Variants in CLDN20 observed in about 807,000 individuals in gnomAD.
CLDN20 encodes the protein claudin 20, also known as claudin-20.
For synonymous variants in CLDN20, 104 were observed against 103.6 expected (o/e 1.00, Z -0.03); for missense variants, 258 against 267.9 (o/e 0.96, Z 0.26).
Position 155,276,411 on chromosome 6 carries a change from T to C in CLDN20, c.*32T>C. ...GAGTAATGCATATGAAATGGAACTTTTGGGTGCCAAATGGGACTTTTAGAT... is the reference window on the plus strand; with the variant it reads ...GAGTAATGCATATGAAATGGAACTTCTGGGTGCCAAATGGGACTTTTAGAT... On this transcript the variant is annotated 3_prime_UTR_variant, in exon 2 of 2. Coordinates refer to ENST00000367165, the MANE Select transcript of CLDN20 (RefSeq NM_001001346.3). 6.4e-7 allele frequency: 1 copy of C among 1,569,732 alleles called. No individual in the cohort carries two copies. Among genetic ancestry groups the C allele is most frequent in the Non-Finnish European group, 8.7e-7 (1 of 1,154,596 alleles).
intron 1 of CLDN20, among the ~76,000 whole-genome samples, chr6:155,264,880 GAGTC>G (rs1229824713): frequency 3.3e-5 from 5 of 152,152 alleles, no homozygotes; most frequent in Admixed American, 1.3e-4. Context: ...ACAACAAGAT[GAGTC>G]AGTGTCTCTT....
intron 1 of CLDN20, among the ~76,000 whole-genome samples, chr6:155,274,397 C>T (rs901269540): frequency 3.3e-5 from 5 of 152,176 alleles, no homozygotes; most frequent in Admixed American, 3.3e-4. Flanking sequence ...AGTAGGTGGT[C>T]TTTTCCTTCC....
chr6:155,274,919 T>A (rs1785098321), intron 1 of CLDN20, among the ~76,000 whole-genome samples: 1 of 152,220 alleles, frequency 6.6e-6, no homozygotes. Flanking sequence ...GTATTTTCAT[T>A]AAAAATAAAA....
At position 155,276,213 on chromosome 6, in the gene CLDN20, A is replaced by G. The variant is rs752783633; in HGVS notation, c.494A>G (p.Tyr165Cys). ...AAACATGAACCTGGAGGAGCTATCT[A>G]TATCGGATTCATTTCTGCAATGCTG... Reference protein sequence around the residue: ...SNKHEPGGAIYIGFISAMLLF... With the variant: ...SNKHEPGGAICIGFISAMLLF... The change falls in exon 2 of 2, where the codon TAT (tyrosine) becomes TGT (cysteine). Residue 165 changes from tyrosine to cysteine, a missense_variant. By Grantham distance (194) the Tyr-to-Cys change is radical. Coordinates refer to ENST00000367165, the MANE Select transcript of CLDN20 (RefSeq NM_001001346.3). 6.2e-7 allele frequency: 1 copy of G among 1,614,116 alleles called. No homozygotes were observed. Among genetic ancestry groups the G allele is most frequent in the South Asian group, 1.1e-5 (1 of 91,082 alleles).
chr6:155,268,820 G>A (rs150024706), intron 1 of CLDN20, among the ~76,000 whole-genome samples: 2 of 150,188 alleles, frequency 1.3e-5, no homozygotes, highest in African/African-American at 2.5e-5. Context: ...GCGGAAGGCC[G>A]CAGGGTCCTC....
Position 155,276,425 on chromosome 6 carries a change from G to A in CLDN20, c.*46G>A, listed in dbSNP as rs898772969. ...AAATGGAACTTTTGGGTGCCAAATGGGACTTTTAGATTAAAAAAAAATCAG... is the reference window on the plus strand; with the variant it reads ...AAATGGAACTTTTGGGTGCCAAATGAGACTTTTAGATTAAAAAAAAATCAG... On this transcript the variant is annotated 3_prime_UTR_variant, in exon 2 of 2. Transcript: ENST00000367165. The A allele has an allele frequency of 4.0e-5, 61 of 1,514,764 alleles. No homozygotes were observed. Among genetic ancestry groups the A allele is most frequent in the Non-Finnish European group, 4.8e-5 (54 of 1,118,068 alleles). The allele number at this position is 1,514,764 out of a possible 1,614,324, so 93.8% of individuals were successfully genotyped here.
intron 1 of CLDN20, among the ~76,000 whole-genome samples, chr6:155,271,012 C>A (rs1784891777): frequency 6.6e-6 from 1 of 152,116 alleles, no homozygotes; most frequent in African/African-American, 2.4e-5. Context: ...AAAGCAAACC[C>A]ACAGATGTTA....
intron 1 of CLDN20, among the ~76,000 whole-genome samples, chr6:155,274,263 C>T (rs1166945271): frequency 1.3e-5 from 2 of 152,180 alleles, no homozygotes; most frequent in African/African-American, 4.8e-5. Context: ...TGCAGTATTT[C>T]AGAAACCATT....
intron 1 of CLDN20, among the ~76,000 whole-genome samples, chr6:155,266,400 C>G (rs981860160): frequency 1.3e-5 from 2 of 152,114 alleles, no homozygotes; most frequent in Non-Finnish European, 2.9e-5. Context: ...AAGTATCACA[C>G]AGTCAACTCA....
At chr6:155,265,670 G>A (rs1235195995) in intron 1 of CLDN20, among the ~76,000 whole-genome samples, 3 of 141,586 alleles carry the variant, frequency 2.1e-5, no homozygotes, top group Non-Finnish European at 4.6e-5. Context: ...CAGAACTAAT[G>A]GAATATATAT....
intron 1 of CLDN20, among the ~76,000 whole-genome samples, chr6:155,266,088 A>C (rs1300658078): frequency 6.6e-6 from 1 of 152,002 alleles, no homozygotes; most frequent in Non-Finnish European, 1.5e-5. Flanking sequence ...CACTGACTCA[A>C]ATGTTAATCT....
intron 1 of CLDN20, among the ~76,000 whole-genome samples, chr6:155,268,420 G>C (rs909445115): frequency 6.6e-6 from 1 of 152,154 alleles, no homozygotes; most frequent in East Asian, 1.9e-4. Context: ...CTGTTACTGT[G>C]ATCCAGTGAT....
chr6:155,271,734 CATTAT>C (rs1462387273), intron 1 of CLDN20, among the ~76,000 whole-genome samples: 1 of 152,098 alleles, frequency 6.6e-6, no homozygotes, highest in East Asian at 1.9e-4. Context: ...TAAAATAATA[CATTAT>C]ATCTTTCAAC....
chr6:155,273,677 A>C (rs1274374098), intron 1 of CLDN20, among the ~76,000 whole-genome samples: 2 of 152,048 alleles, frequency 1.3e-5, no homozygotes, highest in Non-Finnish European at 2.9e-5. Context: ...TTTCAGCAGG[A>C]AGTGTTGTGG....
intron 1 of CLDN20, among the ~76,000 whole-genome samples, chr6:155,270,011 C>T (rs1784849770): frequency 6.6e-6 from 1 of 152,178 alleles, no homozygotes; most frequent in Non-Finnish European, 1.5e-5. Context: ...TCTTGCGCTA[C>T]AGTGGAAGCA....
At position 155,275,944 on chromosome 6, in the gene CLDN20, C is replaced by T; in HGVS notation, c.225C>T (p.Ile75=). The T allele has an allele frequency of 6.2e-7, 1 of 1,614,180 alleles. No individual in the cohort carries two copies. Among genetic ancestry groups the T allele is most frequent in the South Asian group, 1.1e-5 (1 of 91,086 alleles). ...ALKHSILSLP[I]HVQAARATMV... ...AACACTCCATTCTGTCCCTCCCCAT[C>T]CACGTGCAGGCTGCGAGAGCCACCA... is the stretch of plus-strand genomic sequence containing the variant. Residue 75 remains isoleucine (I), a synonymous_variant, in exon 2 of 2, where the codon ATC becomes ATT. Transcript: ENST00000367165.
chr6:155,276,124 G>A lies in CLDN20; in HGVS notation c.405G>A (p.Ser135=), dbSNP rs760016942. 40 of 1,613,960 alleles carry A rather than the reference G, an allele frequency of 2.5e-5. No individual in the cohort carries two copies. The highest frequency in any genetic ancestry group is 3.0e-5 in the Non-Finnish European group (35 of 1,180,038). Reference sequence around the variant, plus strand: ...CTGCAGGAATCTCTAGTTTAATCTCGACAGTGTGGTACACAAAGGAGATCA... The same window carrying A: ...CTGCAGGAATCTCTAGTTTAATCTCAACAGTGTGGTACACAAAGGAGATCA... The part of the protein sequence containing the change: ...FMSAGISSLI[S]TVWYTKEIIA... Residue 135 remains serine (S), a synonymous_variant, in exon 2 of 2, where the codon TCG becomes TCA. Coordinates refer to ENST00000367165, the MANE Select transcript of CLDN20 (RefSeq NM_001001346.3).
At position 155,276,501 on chromosome 6, in the gene CLDN20, CAA is replaced by C; in HGVS notation, c.*123_*124del. On this transcript the variant is annotated 3_prime_UTR_variant, in exon 2 of 2. Transcript: ENST00000367165. The stretch of plus-strand genomic sequence containing the variant: ...GAAAGTAGAATGTAAAATACTTTAA[CAA>C]CTACAAAGTAGTTTAAAATGCCAAT... The C allele has an allele frequency of 1.1e-6, 1 of 886,244 alleles. No individual in the cohort carries two copies. Among genetic ancestry groups the C allele is most frequent in the Non-Finnish European group, 1.7e-6 (1 of 583,088 alleles). 54.9% of individuals were successfully genotyped at this position (886,244 alleles called of 1,614,324 possible). A position where few individuals can be genotyped will look rare whatever the true frequency, so the allele number is the denominator to read the frequency against.
Position 155,272,568 on chromosome 6 carries a change from G to A in CLDN20, c.-104-3048G>A, listed in dbSNP as rs555594962. Among the ~76,000 whole-genome samples the A allele has an allele frequency of 1.2e-4, 18 of 151,944 alleles. No homozygotes were observed. The South Asian group carries it at 1.5e-3, about 12-fold the overall frequency. On this transcript the variant is annotated intron_variant, in intron 1 of 1. Transcript: ENST00000367165. ...AACAAAGTGTGCCTTTATTCTCTACGAGATAGAAATTTTGAGAGAACAGGC... is the reference window on the plus strand; with the variant it reads ...AACAAAGTGTGCCTTTATTCTCTACAAGATAGAAATTTTGAGAGAACAGGC...
Sources: gnomAD v4.1 joint callset for allele counts (sites outside exome capture counted in the v4.1 genomes callset) on GRCh38, gnomAD v4.1.1 for gene constraint, MANE v1.5 for transcripts, NCBI Gene and HGNC (gene_info 2026-07-23, HGNC 2026-07-21) for gene names.